The following ARHGAP44 variants were observed in gnomAD, a reference collection of about 807,000 sequenced individuals.
ARHGAP44 encodes Rho GTPase activating protein 44.
A neutral mutation model predicts 106.8 loss-of-function variants in ARHGAP44; 43 were observed. The observed-to-expected ratio is 0.40, with a 90% CI of 0.32 to 0.52. ARHGAP44 has a LOEUF of 0.52. Among genes scored for constraint, ARHGAP44 ranks in the 20% least tolerant of loss-of-function variants. ARHGAP44 has a pLI of 0.48. For synonymous variants in ARHGAP44, 439 were observed against 410.3 expected, an observed-to-expected ratio of 1.07 and a Z score of -0.85; for missense variants, 866 against 1,050.5, an observed-to-expected ratio of 0.82 and a Z score of 2.43.
At chr17:12,839,127 G>A (rs901400654) in intron 1 of ARHGAP44, among the ~76,000 whole-genome samples, 1 of 152,184 alleles carries the variant, frequency 6.6e-6, no homozygotes, top group African/African-American at 2.4e-5. Flanking sequence ...AAGATCCACT[G>A]CTAGACTGTT....
chr17:12,972,992 A>G, intron 16 of ARHGAP44: 1 of 330,166 alleles, frequency 3.0e-6, no homozygotes, highest in East Asian at 5.3e-5. Context: ...TTAAAAAAAG[A>G]AGTGAGCAGA....
chr17:12,959,861 A>T (rs1292180370), intron 16 of ARHGAP44, among the ~76,000 whole-genome samples: 1 of 152,236 alleles, frequency 6.6e-6, no homozygotes, highest in Non-Finnish European at 1.5e-5. Flanking sequence ...ACCTAGCTAG[A>T]ACCTTCCCCT....
chr17:12,938,938 C>T (rs1037508658), intron 7 of ARHGAP44, among the ~76,000 whole-genome samples: 4 of 152,112 alleles, frequency 2.6e-5, no homozygotes, highest in African/African-American at 4.8e-5. Context: ...GCACAGATGC[C>T]GAGATGTTGA....
intron 6 of ARHGAP44, among the ~76,000 whole-genome samples, chr17:12,921,316 C>G (rs1311148012): frequency 6.6e-6 from 1 of 151,980 alleles, no homozygotes; most frequent in South Asian, 2.1e-4. Context: ...ATCTGCCCAC[C>G]TCAGCCTCCC....
At chr17:12,942,561 T>C (rs868723783) in intron 8 of ARHGAP44, among the ~76,000 whole-genome samples, 2 of 152,244 alleles carry the variant, frequency 1.3e-5, no homozygotes, top group South Asian at 2.1e-4. Context: ...GATGACCTCA[T>C]TGACATTCCA....
chr17:12,825,128 C>T (rs77593888), intron 1 of ARHGAP44, among the ~76,000 whole-genome samples: 1,991 of 152,092 alleles, frequency 0.013, 24 homozygotes, highest in Non-Finnish European at 0.021. Flanking sequence ...CTTGACCTCC[C>T]TAGGCTAAAG....
chr17:12,958,618 G>A lies in ARHGAP44; in HGVS notation c.1343-99G>A. On this transcript the variant is annotated intron_variant, in intron 15 of 20. Coordinates refer to ENST00000379672, the MANE Select transcript of ARHGAP44 (RefSeq NM_014859.6). The surrounding 1 kb of genome is among the most constrained non-coding windows in gnomAD (Gnocchi z 4.1). ...CCATGGGATGAAATTTTCTAGGGAT[G>A]ACATACGAGGGAGTGGGTGTCTGGA... The A allele has an allele frequency of 8.7e-7, 1 of 1,147,900 alleles. No homozygotes were observed. The highest frequency in any genetic ancestry group is 1.2e-6 in the Non-Finnish European group (1 of 804,392). 71.1% of individuals were successfully genotyped at this position (1,147,900 alleles called of 1,614,324 possible). A position where few individuals can be genotyped will look rare whatever the true frequency, so the allele number is the denominator to read the frequency against.
chr17:12,949,843 G>A lies in ARHGAP44; in HGVS notation c.1055+113G>A. The A allele has an allele frequency of 9.6e-7, 1 of 1,039,360 alleles. No homozygotes were observed. The highest frequency in any genetic ancestry group is 1.5e-5 in the South Asian group (1 of 68,388). 64.4% of individuals were successfully genotyped at this position (1,039,360 alleles called of 1,614,324 possible). ...CTCGCAACCCCGTTTCTTGATCTCT[G>A]CCATGAAGGAGTGCTTATACATTTG... On this transcript the variant is annotated intron_variant, in intron 12 of 20. Transcript: ENST00000379672. The surrounding 1 kb of genome is among the most constrained non-coding windows in gnomAD (Gnocchi z 4.1).
intron 7 of ARHGAP44, among the ~76,000 whole-genome samples, chr17:12,936,375 A>G (rs2038549362): frequency 6.6e-6 from 1 of 152,124 alleles, no homozygotes; most frequent in Non-Finnish European, 1.5e-5. Context: ...CTGACCCTTG[A>G]CAACCACTGA....
Position 12,916,014 on chromosome 17 carries a change from AAGC to A in ARHGAP44, c.387+9_387+11del. The A allele has an allele frequency of 1.2e-6, 2 of 1,613,256 alleles. No individual in the cohort carries two copies. Among genetic ancestry groups the A allele is most frequent in the Non-Finnish European group, 1.7e-6 (2 of 1,179,394 alleles). On this transcript the variant is annotated splice_donor_5th_base_variant and intron_variant, in intron 5 of 20. Transcript: ENST00000379672. ...AGCCCCTGTTTTTGCTGGCGGAGGT[AAGC>A]AGCAGGAGTGAGGCCAGGCCTGAAA...
chr17:12,858,232 G>A (rs1380037683), intron 1 of ARHGAP44, among the ~76,000 whole-genome samples: 3 of 152,152 alleles, frequency 2.0e-5, no homozygotes, highest in Non-Finnish European at 2.9e-5. Context: ...TATGGGAACT[G>A]TGTATATAGC....
chr17:12,895,857 G>A (rs1032607746), intron 2 of ARHGAP44, among the ~76,000 whole-genome samples: 10 of 152,062 alleles, frequency 6.6e-5, no homozygotes, highest in Non-Finnish European at 1.5e-5. Context: ...CAACCCAAAT[G>A]TCCATCAATG....
chr17:12,944,780 C>T (rs895584746), intron 10 of ARHGAP44, among the ~76,000 whole-genome samples: 5 of 151,756 alleles, frequency 3.3e-5, no homozygotes, highest in African/African-American at 9.7e-5. Context: ...TGAGCCACTG[C>T]GCCCGACCCT....
chr17:12,962,692 G>A (rs556435235), intron 16 of ARHGAP44, among the ~76,000 whole-genome samples: 2 of 152,256 alleles, frequency 1.3e-5, no homozygotes, highest in South Asian at 4.1e-4. Context: ...AGAAGAGAGA[G>A]CAAAGCCTTG....
At chr17:12,825,219 G>A (rs745688380) in intron 1 of ARHGAP44, among the ~76,000 whole-genome samples, 1 of 151,922 alleles carries the variant, frequency 6.6e-6, no homozygotes, top group Admixed American at 6.6e-5. Flanking sequence ...GTATTATTTT[G>A]TAGAGATGGG....
At chr17:12,870,441 C>T (rs75618648) in intron 1 of ARHGAP44, among the ~76,000 whole-genome samples, 8 of 152,282 alleles carry the variant, frequency 5.3e-5, no homozygotes, top group Admixed American at 4.6e-4. Context: ...GGTAGTACTT[C>T]CAGCAGCAGT....
Position 12,891,952 on chromosome 17 carries a change from C to G in ARHGAP44, c.54-2988C>G, listed in dbSNP as rs766237867. Reference sequence around the variant, plus strand: ...CTGGGATTGCAGGTGCGCACCACCACGCCCGGCTAATTTTTTGTATTTTTA... The same window carrying G: ...CTGGGATTGCAGGTGCGCACCACCAGGCCCGGCTAATTTTTTGTATTTTTA... On this transcript the variant is annotated intron_variant, in intron 1 of 20. Coordinates refer to ENST00000379672, the MANE Select transcript of ARHGAP44 (RefSeq NM_014859.6). Among the ~76,000 whole-genome samples the G allele has an allele frequency of 2.1e-5, 3 of 144,494 alleles. No homozygotes were observed. The East Asian group carries it at 6.5e-4, about 31-fold the overall frequency. 94.8% of individuals were successfully genotyped at this position (144,494 alleles called of 152,430 possible).
At chr17:12,834,350 C>T (rs990157411) in intron 1 of ARHGAP44, among the ~76,000 whole-genome samples, 1 of 152,070 alleles carries the variant, frequency 6.6e-6, no homozygotes, top group African/African-American at 2.4e-5. Context: ...TTTACATTCT[C>T]TGCATAAGGA....
chr17:12,909,986 C>A (rs1365314455), intron 4 of ARHGAP44, among the ~76,000 whole-genome samples: 2 of 152,126 alleles, frequency 1.3e-5, no homozygotes, highest in Admixed American at 1.3e-4. Context: ...TGTTAACAAA[C>A]TATGTATTCG....
Sources: allele counts gnomAD v4.1 joint callset (sites outside exome capture counted in the v4.1 genomes callset), GRCh38; gene constraint gnomAD v4.1.1; non-coding constraint Gnocchi (gnomAD v3.1); transcripts MANE v1.5; gene names NCBI Gene and HGNC (gene_info 2026-07-23, HGNC 2026-07-21).